Variants in SV2B observed in about 807,000 individuals in gnomAD.
SV2B encodes synaptic vesicle glycoprotein 2B.
Under a neutral mutation model 73.9 loss-of-function variants are expected in SV2B, and 41 were observed. The ratio of observed to expected loss-of-function variants is 0.56; its 90% CI spans 0.43 to 0.72. The LOEUF (loss-of-function observed/expected upper bound fraction) is 0.72, where lower values mean the gene tolerates loss of function less well. Among genes scored for constraint, SV2B ranks in the 30% least tolerant of loss-of-function variants. The pLI is 0.00. For missense variants in SV2B, 764 were observed against 857.8 expected (o/e 0.89, Z 1.37); for synonymous variants, 314 against 314.2 (o/e 1.00, Z 0.01).
chr15:91,191,168 C>T (rs768155047), intron 1 of SV2B, among the ~76,000 whole-genome samples: 12 of 149,624 alleles, frequency 8.0e-5, no homozygotes, highest in African/African-American at 2.0e-4. Context: ...CGGGTTCAAG[C>T]GATTCTTCTG....
intron 1 of SV2B, among the ~76,000 whole-genome samples, chr15:91,182,656 C>T (rs545958598): frequency 6.6e-6 from 1 of 152,310 alleles, no homozygotes; most frequent in Non-Finnish European, 1.5e-5. Context: ...GATGGGTCAG[C>T]ATGAAGTCAT....
intron 6 of SV2B, among the ~76,000 whole-genome samples, chr15:91,260,653 C>A (rs1299205952): frequency 1.3e-5 from 2 of 152,214 alleles, no homozygotes; most frequent in East Asian, 1.9e-4. Context: ...GTAATCCCAG[C>A]ACTTTGGAAG....
rs1476320056 is a variant in SV2B at position 91,265,099 on chromosome 15, A to G, written c.1009-1483A>G. On this transcript the variant is annotated intron_variant, in intron 6 of 12. Transcript: ENST00000394232. The surrounding 1 kb of genome is among the most constrained non-coding windows in gnomAD (Gnocchi z 4.2). ...GGTTGGCGGTCAGGGGCGGGTACTC[A>G]GCCCAGCTTGAAGGTGTTACCTGTT... Among the ~76,000 whole-genome samples the G allele has an allele frequency of 6.6e-6, 1 of 152,238 alleles. No homozygotes were observed. The highest frequency in any genetic ancestry group is 1.5e-5 in the Non-Finnish European group (1 of 68,036).
intron 1 of SV2B, among the ~76,000 whole-genome samples, chr15:91,200,770 G>A (rs556410399): frequency 6.6e-6 from 1 of 152,154 alleles, no homozygotes; most frequent in African/African-American, 2.4e-5. Flanking sequence ...AATTAGTCAG[G>A]CATGGTGGTG....
intron 1 of SV2B, among the ~76,000 whole-genome samples, chr15:91,209,528 GT>G (rs2045777837): frequency 6.6e-6 from 1 of 152,208 alleles, no homozygotes; most frequent in African/African-American, 2.4e-5. Flanking sequence ...AAGCCAAACA[GT>G]TGAAAAGGCA....
intron 1 of SV2B, among the ~76,000 whole-genome samples, chr15:91,217,076 C>G (rs1230922189): frequency 6.6e-6 from 1 of 151,872 alleles, no homozygotes; most frequent in Non-Finnish European, 1.5e-5. Context: ...GGGGTTTCGC[C>G]ATGTTGGCCA....
At chr15:91,134,020 A>ATTTTTTTTTTTTTTTTTTTTTTTTT (rs2042740469) in intron 1 of SV2B, among the ~76,000 whole-genome samples, 1 of 12,250 alleles carries the variant, frequency 8.2e-5, no homozygotes, top group Non-Finnish European at 1.7e-4. Context: ...TTTTTTTGAG[A>ATTTTTTTTTTTTTTTTTTTTTTTTT]TGGAGTCTTG....
Position 91,140,349 on chromosome 15 carries a change from T to A in SV2B, c.-392+39986T>A, listed in dbSNP as rs889836976. 6.6e-6 allele frequency among the ~76,000 whole-genome samples: 1 copy of A among 152,256 alleles called. No individual in the cohort carries two copies. Among genetic ancestry groups the A allele is most frequent in the African/African-American group, 2.4e-5 (1 of 41,464 alleles). The stretch of plus-strand genomic sequence containing the variant: ...ATCAATTATCCATTAAGAAGGATTT[T>A]AAAATAATAAAAATGCCTTTCAGCA... On this transcript the variant is annotated intron_variant, in intron 1 of 12. Coordinates refer to ENST00000394232, the MANE Select transcript of SV2B (RefSeq NM_001323032.3). This position sits in a 1 kb window ranked among gnomAD's most constrained non-coding sequence, Gnocchi z 4.4.
intron 1 of SV2B, among the ~76,000 whole-genome samples, chr15:91,157,941 G>C (rs1460758251): frequency 1.3e-5 from 2 of 152,202 alleles, no homozygotes; most frequent in Admixed American, 1.3e-4. Flanking sequence ...TTCTAGGTCT[G>C]TCTGGTTCCA....
At chr15:91,180,125 A>G (rs929255093) in intron 1 of SV2B, among the ~76,000 whole-genome samples, 1 of 151,920 alleles carries the variant, frequency 6.6e-6, no homozygotes, top group African/African-American at 2.4e-5. Flanking sequence ...TTGTTTGTAA[A>G]GTATTTTTGT....
At chr15:91,156,441 A>G (rs2043493169) in intron 1 of SV2B, among the ~76,000 whole-genome samples, 2 of 152,206 alleles carry the variant, frequency 1.3e-5, no homozygotes, top group Non-Finnish European at 2.9e-5. Context: ...CATTTTAAGC[A>G]CCAGATTCGT....
intron 2 of SV2B, among the ~76,000 whole-genome samples, chr15:91,226,918 T>A (rs558493819): frequency 1.3e-5 from 2 of 152,332 alleles, no homozygotes; most frequent in South Asian, 4.1e-4. Context: ...TTGAGGTCTA[T>A]CTGACTTCTG....
rs1893157668 is a variant in SV2B, at chr15:91,124,815, G to A, written c.-392+24452G>A. 6.6e-6 allele frequency among the ~76,000 whole-genome samples: 1 copy of A among 152,048 alleles called. No homozygotes were observed. The highest frequency in any genetic ancestry group is 2.4e-5 in the African/African-American group (1 of 41,392). ...ACTACAGGCATGAGCCACCACACCT[G>A]GCTAATGTTTGTATTTTTAGGAGAG... On this transcript the variant is annotated intron_variant, in intron 1 of 12. Transcript: ENST00000394232. The surrounding 1 kb of genome is among the most constrained non-coding windows in gnomAD (Gnocchi z 4.6).
chr15:91,281,635 A>G lies in SV2B; in HGVS notation c.1374-93A>G, dbSNP rs898786286. On this transcript the variant is annotated intron_variant, in intron 9 of 12. Transcript: ENST00000394232. This position sits in a 1 kb window ranked among gnomAD's most constrained non-coding sequence, Gnocchi z 4.7. ...ATGCTCTGGCACCTTTTGCTTGCAC[A>G]TCTCCTTTTTCTGCCTTGCTGTGTT... The G allele has an allele frequency of 7.7e-6, 11 of 1,433,814 alleles. No individual in the cohort carries two copies. Among genetic ancestry groups the G allele is most frequent in the African/African-American group, 2.9e-5 (2 of 69,658 alleles). 88.8% of individuals were successfully genotyped at this position (1,433,814 alleles called of 1,614,324 possible). A position where few individuals can be genotyped will look rare whatever the true frequency, so the allele number is the denominator to read the frequency against.
rs1274811838 is a variant in SV2B, at chr15:91,115,995, T to C, written c.-392+15632T>C. On this transcript the variant is annotated intron_variant, in intron 1 of 12. Transcript: ENST00000394232. The surrounding 1 kb of genome is among the most constrained non-coding windows in gnomAD (Gnocchi z 4.3). ...ACACACATACACACACACATAAATATACATATATAATACATTATTATATGC... is the reference window on the plus strand; with the variant it reads ...ACACACATACACACACACATAAATACACATATATAATACATTATTATATGC... Among the ~76,000 whole-genome samples the C allele has an allele frequency of 1.3e-5, 2 of 152,186 alleles. No individual in the cohort carries two copies. The highest frequency in any genetic ancestry group is 4.8e-5 in the African/African-American group (2 of 41,442).
In SV2B at chr15:91,294,233, A is replaced by T. The variant is rs1051607222; in HGVS notation, c.*1681A>T. ...AGTATTGGAGAAATGCTTAGGTCCTATGATAGCTTCGGGACATCTTTCTGT... is the reference window on the plus strand; with the variant it reads ...AGTATTGGAGAAATGCTTAGGTCCTTTGATAGCTTCGGGACATCTTTCTGT... On this transcript the variant is annotated 3_prime_UTR_variant, in exon 13 of 13. Transcript: ENST00000394232. This position sits in a 1 kb window ranked among gnomAD's most constrained non-coding sequence, Gnocchi z 4.1. 6.6e-6 allele frequency: 1 copy of T among 152,234 alleles called. No individual in the cohort carries two copies. The highest frequency in any genetic ancestry group is 2.1e-4 in the South Asian group (1 of 4,830). The allele number at this position is 152,234 out of a possible 1,614,324, so 9.4% of individuals were successfully genotyped here. A position where few individuals can be genotyped will look rare whatever the true frequency, so the allele number is the denominator to read the frequency against.
chr15:91,226,851 A>C, intron 2 of SV2B, 137 bp downstream of exon 2: 1 of 1,096,288 alleles, frequency 9.1e-7, no homozygotes, highest in Non-Finnish European at 1.3e-6. Context: ...GTCTTAGAGA[A>C]ATCAATTGAT....
At chr15:91,275,827 A>G (rs563517254) in intron 9 of SV2B, among the ~76,000 whole-genome samples, 1 of 152,024 alleles carries the variant, frequency 6.6e-6, no homozygotes, top group East Asian at 1.9e-4. Flanking sequence ...CTCTGTCTCC[A>G]AAAAAAAGAG....
intron 1 of SV2B, among the ~76,000 whole-genome samples, chr15:91,113,811 C>T (rs2042102325): frequency 6.6e-6 from 1 of 152,146 alleles, no homozygotes; most frequent in African/African-American, 2.4e-5. Flanking sequence ...CCTCAATTTC[C>T]TGATCTTTAA....
Sources: gnomAD v4.1 joint callset for allele counts (sites outside exome capture counted in the v4.1 genomes callset) on GRCh38, gnomAD v4.1.1 for gene constraint, Gnocchi (gnomAD v3.1) non-coding constraint, MANE v1.5 for transcripts, NCBI Gene and HGNC (gene_info 2026-07-23, HGNC 2026-07-21) for gene names.